The following GRIK1 variants were observed in gnomAD, a reference collection of about 807,000 sequenced individuals.
GRIK1 encodes glutamate ionotropic receptor kainate type subunit 1, also known as glutamate receptor ionotropic, kainate 1.
A neutral mutation model predicts 105.7 loss-of-function variants in GRIK1; 69 were observed. The observed-to-expected ratio is 0.65, with a 90% CI of 0.54 to 0.80. The LOEUF (loss-of-function observed/expected upper bound fraction) is 0.80. Ranked by LOEUF, GRIK1 falls within the 30% of genes least tolerant of loss-of-function variation. GRIK1 has a pLI of 0.00. For missense variants in GRIK1, 1,109 were observed against 1,167.3 expected, an observed-to-expected ratio of 0.95 and a Z score of 0.73; for synonymous variants, 438 against 431.3, an observed-to-expected ratio of 1.02 and a Z score of -0.19.
intron 1 of GRIK1, among the ~76,000 whole-genome samples, chr21:29,812,505 T>A (rs571808720): frequency 6.6e-6 from 1 of 152,290 alleles, no homozygotes; most frequent in African/African-American, 2.4e-5. Context: ...AATGAGTTAC[T>A]TCCAATAGTG....
At chr21:29,859,820 C>T (rs572247734) in intron 1 of GRIK1, among the ~76,000 whole-genome samples, 11 of 152,296 alleles carry the variant, frequency 7.2e-5, no homozygotes, top group Admixed American at 3.9e-4. Context: ...TGCCTCTGCT[C>T]TTTTCTATCT....
At chr21:29,798,329 A>G (rs1274404266) in intron 1 of GRIK1, among the ~76,000 whole-genome samples, 1 of 152,200 alleles carries the variant, frequency 6.6e-6, no homozygotes, top group Non-Finnish European at 1.5e-5. Flanking sequence ...AAAGCTAACA[A>G]TAGGATGGAT....
In GRIK1 at chr21:29,693,901, C is replaced by A; in HGVS notation, c.281G>T (p.Arg94Leu). The A allele has an allele frequency of 6.2e-7, 1 of 1,610,900 alleles. No individual in the cohort carries two copies. The highest frequency in any genetic ancestry group is 8.5e-7 in the Non-Finnish European group (1 of 1,177,540). Residue 94 changes from arginine (R) to leucine (L), a missense_variant, in exon 2 of 18, where the codon CGG becomes CTG. By Grantham distance (102) the Arg-to-Leu change is moderately radical (BLOSUM62 -2). Around this residue, in one of 5 missense-constraint regions of GRIK1, gnomAD observed 612 missense variants for 586.0 expected, o/e 1.04. Coordinates refer to ENST00000327783, the MANE Select transcript of GRIK1 (RefSeq NM_001330994.2). The part of the protein sequence containing the change: ...INLFDSFEAS[R>L]RACDQLALGV... ...AAAAGTGGGAAAATAGTTACCTCTC[C>A]GCGAGGCTTCAAAACTATCAAAAAG...
At chr21:29,787,841 G>T (rs1050097164) in intron 1 of GRIK1, among the ~76,000 whole-genome samples, 9 of 151,986 alleles carry the variant, frequency 5.9e-5, no homozygotes, top group Non-Finnish European at 1.2e-4. Context: ...GCATTTCTTT[G>T]GTAATTTCTA....
chr21:29,703,630 G>T (rs1266107361), intron 1 of GRIK1, among the ~76,000 whole-genome samples: 3 of 152,104 alleles, frequency 2.0e-5, no homozygotes, highest in African/African-American at 7.2e-5. Context: ...AACATTCTTG[G>T]TAAAGATCCC....
chr21:29,736,822 C>T (rs56396785), intron 1 of GRIK1, among the ~76,000 whole-genome samples: 8,847 of 151,650 alleles, frequency 0.058, 437 homozygotes, highest in African/African-American at 0.12. Context: ...GGATTACAGG[C>T]GCCCACCACC....
At chr21:29,806,221 T>C (rs1237465563) in intron 1 of GRIK1, among the ~76,000 whole-genome samples, 1 of 152,156 alleles carries the variant, frequency 6.6e-6, no homozygotes, top group Non-Finnish European at 1.5e-5. Flanking sequence ...ATCATATTAA[T>C]TGAACTTTTC....
At chr21:29,616,756 A>C (rs867443402) in intron 7 of GRIK1, among the ~76,000 whole-genome samples, 2 of 152,212 alleles carry the variant, frequency 1.3e-5, no homozygotes, top group Non-Finnish European at 2.9e-5. Context: ...ATGTTTTAAA[A>C]CAATATTCAC....
At chr21:29,592,654 T>C (rs1275592888) in intron 9 of GRIK1, among the ~76,000 whole-genome samples, 1 of 152,210 alleles carries the variant, frequency 6.6e-6, no homozygotes, top group Non-Finnish European at 1.5e-5. Flanking sequence ...ACCTATAAAG[T>C]ATTTCACAGG....
intron 3 of GRIK1, among the ~76,000 whole-genome samples, chr21:29,689,472 CTGA>C (rs1441616160): frequency 4.3e-4 from 66 of 151,980 alleles, no homozygotes; most frequent in Admixed American, 4.3e-3. Flanking sequence ...ATAACATATA[CTGA>C]TAAGATGATA....
intron 7 of GRIK1, among the ~76,000 whole-genome samples, chr21:29,621,973 T>G: frequency 6.6e-6 from 1 of 151,414 alleles, no homozygotes; most frequent in Non-Finnish European, 1.5e-5. Context: ...TGAGTTGGAG[T>G]TTCGCTCTTG....
chr21:29,917,993 C>T (rs373970852), intron 1 of GRIK1, among the ~76,000 whole-genome samples: 77 of 151,954 alleles, frequency 5.1e-4, no homozygotes, highest in African/African-American at 1.8e-3. Flanking sequence ...TCAAACTCTG[C>T]ATTATATAGA....
At chr21:29,718,574 T>C (rs531808914) in intron 1 of GRIK1, among the ~76,000 whole-genome samples, 12 of 152,328 alleles carry the variant, frequency 7.9e-5, no homozygotes, top group Admixed American at 7.8e-4. Flanking sequence ...TTTCCTGGTT[T>C]CAACAGTGAT....
intron 1 of GRIK1, among the ~76,000 whole-genome samples, chr21:29,831,071 C>T (rs1163434108): frequency 6.6e-6 from 1 of 152,116 alleles, no homozygotes; most frequent in Non-Finnish European, 1.5e-5. Context: ...TGTACTGTAG[C>T]ATTCTATTAC....
chr21:29,649,620 C>A (rs904869689), intron 6 of GRIK1, among the ~76,000 whole-genome samples: 9 of 152,212 alleles, frequency 5.9e-5, no homozygotes, highest in African/African-American at 2.2e-4. Context: ...GTAGGTCTGT[C>A]TCCTTTGTTC....
chr21:29,615,550 C>G (rs1469907618), intron 7 of GRIK1, among the ~76,000 whole-genome samples: 1 of 152,120 alleles, frequency 6.6e-6, no homozygotes, highest in Non-Finnish European at 1.5e-5. Context: ...CTCAGGTGAT[C>G]CACCTGCTTT....
chr21:29,851,685 G>A (rs963006635), intron 1 of GRIK1, among the ~76,000 whole-genome samples: 2 of 152,168 alleles, frequency 1.3e-5, no homozygotes, highest in African/African-American at 4.8e-5. Flanking sequence ...TTCATGTACA[G>A]CACCTATTCC....
chr21:29,715,043 T>C (rs557548622), intron 1 of GRIK1, among the ~76,000 whole-genome samples: 1 of 152,326 alleles, frequency 6.6e-6, no homozygotes, highest in East Asian at 1.9e-4. Context: ...TGATATTGGA[T>C]GAACTCTTAA....
chr21:29,652,135 A>G (rs363579), intron 5 of GRIK1, among the ~76,000 whole-genome samples: 7,346 of 152,196 alleles, frequency 0.048, 269 homozygotes, highest in Non-Finnish European at 0.074. Flanking sequence ...TTTGAAGAAT[A>G]TTTATTTCCA....
Sources: allele counts gnomAD v4.1 joint callset (sites outside exome capture counted in the v4.1 genomes callset), GRCh38; gene constraint gnomAD v4.1.1; regional missense constraint gnomAD v4.1.1; transcripts MANE v1.5; gene names NCBI Gene and HGNC (gene_info 2026-07-23, HGNC 2026-07-21).